Variants in EIF2A observed in about 807,000 individuals in gnomAD.
EIF2A encodes the protein 65 kDa eukaryotic translation initiation factor 2A.
In EIF2A, 62 loss-of-function variants were observed where a neutral mutation model predicts 75.2. The observed-to-expected ratio is 0.82, with a 90% CI of 0.67 to 1.02. EIF2A has a LOEUF of 1.02. Among genes scored for constraint, EIF2A ranks in the 50% least tolerant of loss-of-function variants. The pLI, the probability that EIF2A is intolerant of heterozygous loss-of-function variation, is 0.00. For synonymous variants in EIF2A, 207 were observed against 239.0 expected (o/e 0.87, Z 1.23); for missense variants, 611 against 677.7 (o/e 0.90, Z 1.09).
intron 2 of EIF2A, among the ~76,000 whole-genome samples, chr3:150,555,072 C>T (rs904351045): frequency 3.9e-5 from 6 of 152,018 alleles, no homozygotes; most frequent in South Asian, 4.1e-4. Flanking sequence ...GGACTATAGG[C>T]GCATGCCACC....
At position 150,571,969 on chromosome 3, in the gene EIF2A, C is replaced by T. The variant is rs1186186671; in HGVS notation, c.823C>T (p.Pro275Ser). 6.9e-6 allele frequency: 11 copies of T among 1,595,776 alleles called. No homozygotes were observed. The highest frequency in any genetic ancestry group is 1.8e-5 in the Admixed American group (1 of 56,178). The change falls in exon 10 of 14, where the codon CCC becomes TCC. Residue 275 changes from proline (P) to serine (S), a missense_variant. Transcript: ENST00000460851. ...TATTCTTTTTCTAGCAAAAAATGGC[C>T]CCATTTATGATGTAGTTTGGAATTC... ...SAVVQLPKNG[P>S]IYDVVWNSSS...
chr3:150,566,548 TTTAAA>T (rs539001208), intron 6 of EIF2A: 81 of 152,288 alleles, frequency 5.3e-4, no homozygotes, highest in Non-Finnish European at 9.7e-4. Context: ...CATAATTTTA[TTTAAA>T]TTAAAGTTTT....
In EIF2A at chr3:150,558,461, A is replaced by G. The variant is rs372635613; in HGVS notation, c.172A>G (p.Lys58Glu). 8.0e-6 allele frequency: 12 copies of G among 1,500,058 alleles called. No individual in the cohort carries two copies. The highest frequency in any genetic ancestry group is 5.1e-5 in the East Asian group (2 of 38,872). The allele number at this position is 1,500,058 out of a possible 1,614,324, so 92.9% of individuals were successfully genotyped here. Residue 58 changes from lysine (K) to glutamate (E), a missense_variant and splice_region_variant, in exon 3 of 14, where the codon AAA (lysine) becomes GAA (glutamate). Coordinates refer to ENST00000460851, the MANE Select transcript of EIF2A (RefSeq NM_032025.5). ...GTLFAWGNGE[K>E]VNIISVTNKG... is the part of the protein sequence containing the mutation. ...CTTGTTTGCCTGGGGCAATGGAGAAAAGTTAGTGTTCATTTACATAACATA... is the reference window on the plus strand; with the variant it reads ...CTTGTTTGCCTGGGGCAATGGAGAAGAGTTAGTGTTCATTTACATAACATA...
intron 11 of EIF2A, among the ~76,000 whole-genome samples, chr3:150,581,258 T>C (rs1725160753): frequency 6.6e-6 from 1 of 152,208 alleles, no homozygotes; most frequent in Non-Finnish European, 1.5e-5. Flanking sequence ...TACTTGATCA[T>C]ACATATTCTT....
At chr3:150,563,753 G>A (rs1406266034) in intron 5 of EIF2A, 139 bp downstream of exon 5, 1 of 670,288 alleles carries the variant, frequency 1.5e-6, no homozygotes, top group Non-Finnish European at 2.4e-6. Context: ...TTGTATGTAG[G>A]AATGTAATAG....
At chr3:150,547,915 A>G (rs192565301) in intron 1 of EIF2A, among the ~76,000 whole-genome samples, 1 of 152,302 alleles carries the variant, frequency 6.6e-6, no homozygotes, top group Non-Finnish European at 1.5e-5. Context: ...TTAGGTTTGT[A>G]AAGGTAGCTT....
At chr3:150,574,331 G>A (rs1423824300) in intron 10 of EIF2A, among the ~76,000 whole-genome samples, 1 of 152,090 alleles carries the variant, frequency 6.6e-6, no homozygotes, top group African/African-American at 2.4e-5. Context: ...TCAAGTGAAA[G>A]GCTCTCAGTG....
At chr3:150,546,955 G>T in intron 1 of EIF2A, 125 bp downstream of exon 1, 5 of 1,362,944 alleles carry the variant, frequency 3.7e-6, no homozygotes, top group East Asian at 2.3e-5. Flanking sequence ...TTGCGGAAAG[G>T]CCAGACTGTT....
chr3:150,563,685 T>C, intron 5 of EIF2A, 71 bp downstream of exon 5: 1 of 1,125,126 alleles, frequency 8.9e-7, no homozygotes. Flanking sequence ...AATATTTGTT[T>C]TCCTGATATT....
At chr3:150,583,373 AT>A in intron 13 of EIF2A, 108 bp downstream of exon 13, 2 of 1,039,826 alleles carry the variant, frequency 1.9e-6, no homozygotes, top group Non-Finnish European at 1.4e-6. Flanking sequence ...TTAAAAACTT[AT>A]TTTGAAAACC....
At chr3:150,562,513 AT>A (rs1164740543) in intron 3 of EIF2A, 28 bp from the exon 4 acceptor site, 1 of 1,541,866 alleles carries the variant, frequency 6.5e-7, no homozygotes, top group East Asian at 2.3e-5. Flanking sequence ...ACAGTATTTC[AT>A]TGCTGAAATA....
chr3:150,555,129 A>G (rs895698110), intron 2 of EIF2A, among the ~76,000 whole-genome samples: 14 of 151,766 alleles, frequency 9.2e-5, no homozygotes, highest in Admixed American at 4.6e-4. Flanking sequence ...GGGTCTCACT[A>G]TGTTGCCCAG....
intron 1 of EIF2A, among the ~76,000 whole-genome samples, chr3:150,549,735 A>C (rs998935148): frequency 1.3e-5 from 2 of 151,628 alleles, no homozygotes; most frequent in African/African-American, 2.4e-5. Context: ...TTATCTTCCC[A>C]CTCCTCGATA....
At chr3:150,579,962 AT>A (rs914101363) in intron 11 of EIF2A, among the ~76,000 whole-genome samples, 1 of 143,202 alleles carries the variant, frequency 7.0e-6, no homozygotes, top group East Asian at 2.2e-4. Flanking sequence ...TACTTACATA[AT>A]TTTTTCCCCT....
intron 6 of EIF2A, chr3:150,565,163 T>C (rs191813519): frequency 2.2e-6 from 1 of 455,948 alleles, no homozygotes; most frequent in Non-Finnish European, 4.4e-6. Context: ...TAATTTAACA[T>C]GTTCATCTGT....
In EIF2A at chr3:150,564,392, AT is replaced by A. The variant is rs1431736284; in HGVS notation, c.475+14del. 3.2e-6 allele frequency: 5 copies of A among 1,568,754 alleles called. No individual in the cohort carries two copies. The highest frequency in any genetic ancestry group is 4.3e-6 in the Non-Finnish European group (5 of 1,159,184). ...AAAACAACAATTTTAGTATGGAAAG[AT>A]TTATGACATAATTTTATTACTTACT... On this transcript the variant is annotated intron_variant, in intron 6 of 13. Transcript: ENST00000460851.
At chr3:150,562,323 G>A (rs887166513) in intron 3 of EIF2A, among the ~76,000 whole-genome samples, 2 of 151,840 alleles carry the variant, frequency 1.3e-5, no homozygotes, top group Admixed American at 1.3e-4. Flanking sequence ...TTGGGAGGCT[G>A]AGGCAGGAGA....
At chr3:150,559,275 G>A (rs1723725252) in intron 3 of EIF2A, among the ~76,000 whole-genome samples, 1 of 152,136 alleles carries the variant, frequency 6.6e-6, no homozygotes, top group African/African-American at 2.4e-5. Flanking sequence ...AAGAGAACAT[G>A]TTGAATTAGT....
chr3:150,583,865 A>C lies in EIF2A; in HGVS notation c.1712A>C (p.Glu571Ala), dbSNP rs200427317. 574 of 1,613,472 alleles carry C rather than the reference A, an allele frequency of 3.6e-4. No homozygotes were observed. Among genetic ancestry groups the C allele is most frequent in the Non-Finnish European group, 4.5e-4 (535 of 1,179,700 alleles). ...TTCTAGTTGGAGAAAATTCAGAAAGAAACAGCCCTTCTCCAGGAGCTGGAA... is the reference window on the plus strand; with the variant it reads ...TTCTAGTTGGAGAAAATTCAGAAAGCAACAGCCCTTCTCCAGGAGCTGGAA... The part of the protein sequence containing the change: ...EKNQLEKIQK[E>A]TALLQELEDL... The change falls in exon 14 of 14, where the codon GAA (glutamate) becomes GCA (alanine). Residue 571 changes from glutamate (E) to alanine (A), a missense_variant. By Grantham distance (107) the Glu-to-Ala change is moderately radical (BLOSUM62 -1). Coordinates refer to ENST00000460851, the MANE Select transcript of EIF2A (RefSeq NM_032025.5).
Sources: allele counts gnomAD v4.1 joint callset (sites outside exome capture counted in the v4.1 genomes callset), GRCh38; gene constraint gnomAD v4.1.1; transcripts MANE v1.5; gene names NCBI Gene and HGNC (gene_info 2026-07-23, HGNC 2026-07-21).